The following ACTN2 variants were observed in gnomAD, a reference collection of about 807,000 sequenced individuals.
The protein encoded by ACTN2 is alpha-actinin-2.
ACTN2 carries 39 observed loss-of-function variants against 113.8 expected under a neutral mutation model. The observed-to-expected ratio is 0.34, with a 90% CI of 0.27 to 0.45. ACTN2 has a LOEUF of 0.45. ACTN2 is among the 20% of genes least tolerant of loss of function. The pLI is 1.00. For synonymous variants in ACTN2, 429 were observed against 444.1 expected (o/e 0.97, Z 0.43); for missense variants, 992 against 1,177.9 (o/e 0.84, Z 2.31).
chr1:236,718,923 A>C lies in ACTN2; in HGVS notation c.271A>C (p.Lys91Gln). 6.2e-7 allele frequency: 1 copy of C among 1,614,246 alleles called. No homozygotes were observed. Among genetic ancestry groups the C allele is most frequent in the Non-Finnish European group, 8.5e-7 (1 of 1,180,028 alleles). ...AAGGCTGCCCAAACCTGACCGGGGA[A>C]AAATGCGGTTCCACAAAATTGCTAA... ...GERLPKPDRG[K>Q]MRFHKIANVN... Residue 91 changes from lysine (K) to glutamine (Q), a missense_variant, in exon 3 of 21, where the codon AAA (lysine) becomes CAA (glutamine). By Grantham distance (53) the Lys-to-Gln change is moderately conservative. Around this residue, in one of 3 missense-constraint regions of ACTN2, gnomAD observed 220 missense variants for 337.5 expected, o/e 0.65. Coordinates refer to ENST00000366578, the MANE Select transcript of ACTN2 (RefSeq NM_001103.4).
At chr1:236,736,881 C>T (rs1014868276) in intron 8 of ACTN2, 28 of 604,830 alleles carry the variant, frequency 4.6e-5, no homozygotes, top group African/African-American at 3.5e-4. Context: ...GCTCTCTCCC[C>T]GTTATTCCCT....
At chr1:236,724,041 A>G (rs1293790077) in intron 4 of ACTN2, among the ~76,000 whole-genome samples, 1 of 152,214 alleles carries the variant, frequency 6.6e-6, no homozygotes, top group Non-Finnish European at 1.5e-5. Context: ...ATGCCATAGC[A>G]TGGATGGCTT....
chr1:236,720,018 G>C (rs1218004353), intron 3 of ACTN2, 87 bp from the exon 4 acceptor site: 2 of 884,504 alleles, frequency 2.3e-6, no homozygotes, highest in Non-Finnish European at 3.8e-6. Context: ...TTTTCCAATA[G>C]CTCTGAAGTC....
chr1:236,726,584 T>C (rs192078677), intron 5 of ACTN2, among the ~76,000 whole-genome samples: 12 of 152,290 alleles, frequency 7.9e-5, no homozygotes, highest in African/African-American at 2.9e-4. Context: ...GAGTGGTCAT[T>C]ATGATGTTGA....
chr1:236,762,166 A>C lies in ACTN2; in HGVS notation c.2527-295A>C, dbSNP rs541318538. 2.0e-4 allele frequency among the ~76,000 whole-genome samples: 30 copies of C among 152,298 alleles called. No homozygotes were observed. The South Asian group carries it at 3.7e-3, about 19-fold the overall frequency. On this transcript the variant is annotated intron_variant, in intron 20 of 20. Coordinates refer to ENST00000366578, the MANE Select transcript of ACTN2 (RefSeq NM_001103.4). ...AAAGCTTCATCTTTTCTGGTATGAAATGCAGATCATAGTACGTATCCTCGC... is the reference window on the plus strand; with the variant it reads ...AAAGCTTCATCTTTTCTGGTATGAACTGCAGATCATAGTACGTATCCTCGC...
chr1:236,716,007 T>C (rs1041232465), intron 1 of ACTN2, among the ~76,000 whole-genome samples: 1 of 151,854 alleles, frequency 6.6e-6, no homozygotes, highest in Admixed American at 6.6e-5. Context: ...GTATCTTTTC[T>C]GTTTAGACCT....
Position 236,693,733 on chromosome 1 carries a change from C to T in ACTN2, c.126+6934C>T, listed in dbSNP as rs578252830. ...TGAGGGTGGTGGCCTCCCTTTTTGT[C>T]ACCCTTCCAAGGGTCATGCTCGTCT... On this transcript the variant is annotated intron_variant, in intron 1 of 20. Transcript: ENST00000366578. Among the ~76,000 whole-genome samples the T allele has an allele frequency of 2.0e-5, 3 of 152,246 alleles. No homozygotes were observed. The South Asian group carries it at 6.2e-4, about 32-fold the overall frequency.
intron 1 of ACTN2, among the ~76,000 whole-genome samples, chr1:236,710,297 C>A (rs1657986474): frequency 6.6e-6 from 1 of 152,184 alleles, no homozygotes; most frequent in South Asian, 2.1e-4. Context: ...AAAAAGAAAT[C>A]AAATACAAAT....
intron 1 of ACTN2, among the ~76,000 whole-genome samples, chr1:236,715,512 C>A (rs535881652): frequency 6.6e-6 from 1 of 151,882 alleles, no homozygotes; most frequent in Non-Finnish European, 1.5e-5. Context: ...TTGCACCATC[C>A]AATACTACTA....
chr1:236,715,680 G>C (rs1251973458), intron 1 of ACTN2, among the ~76,000 whole-genome samples: 2 of 152,188 alleles, frequency 1.3e-5, no homozygotes, highest in Non-Finnish European at 2.9e-5. Flanking sequence ...TTAAGACCGA[G>C]TGTGGTGGCT....
At chr1:236,753,252 A>C (rs1659455268) in intron 15 of ACTN2, among the ~76,000 whole-genome samples, 1 of 152,236 alleles carries the variant, frequency 6.6e-6, no homozygotes, top group African/African-American at 2.4e-5. Flanking sequence ...AATATTACCA[A>C]GGAAACAAAT....
intron 6 of ACTN2, among the ~76,000 whole-genome samples, chr1:236,728,004 C>T (rs1475458818): frequency 6.6e-6 from 1 of 152,130 alleles, no homozygotes; most frequent in Non-Finnish European, 1.5e-5. Context: ...TTGCCCATAT[C>T]AAGATATGTT....
Position 236,740,136 on chromosome 1 carries a change from C to T in ACTN2, c.1107+604C>T, listed in dbSNP as rs183254482. Among the ~76,000 whole-genome samples the T allele has an allele frequency of 5.9e-4, 90 of 151,712 alleles. No homozygotes were observed. The East Asian group carries it at 0.011, about 19-fold the overall frequency. ...CTCACTCACTTTTTTTTTTTGGAGA[C>T]GGAGTCTCACTCTGTCACCCAGGCT... On this transcript the variant is annotated intron_variant, in intron 10 of 20. Transcript: ENST00000366578.
At position 236,751,483 on chromosome 1, in the gene ACTN2, C is replaced by T. The variant is rs1389785784; in HGVS notation, c.1670C>T (p.Ala557Val). 6 of 1,613,952 alleles carry T rather than the reference C, an allele frequency of 3.7e-6. No individual in the cohort carries two copies. Among genetic ancestry groups the T allele is most frequent in the African/African-American group, 1.3e-5 (1 of 74,902 alleles). ...SIEEIQSLIT[A>V]HEQFKATLPE... ...TCTCGGGTGTAGAGTCTGATCACTG[C>T]GCATGAGCAGTTCAAGGCCACGCTG... The change falls in exon 15 of 21, where the codon GCG (alanine) becomes GTG (valine). Residue 557 changes from alanine (A) to valine (V), a missense_variant. By Grantham distance (64) the Ala-to-Val change is moderately conservative. Coordinates refer to ENST00000366578, the MANE Select transcript of ACTN2 (RefSeq NM_001103.4).
At chr1:236,717,793 G>T in intron 1 of ACTN2, 65 bp from the exon 2 acceptor site, 2 of 1,130,936 alleles carry the variant, frequency 1.8e-6, no homozygotes, top group South Asian at 1.3e-5. Flanking sequence ...GTCAAGTGTC[G>T]TCTGTGAGGA....
chr1:236,689,533 C>CT (rs1427203107), intron 1 of ACTN2, among the ~76,000 whole-genome samples: 1 of 151,450 alleles, frequency 6.6e-6, no homozygotes, highest in East Asian at 1.9e-4. Context: ...ATTTTAAAAA[C>CT]TTTTTTTGTA....
intron 1 of ACTN2, among the ~76,000 whole-genome samples, chr1:236,692,054 G>A (rs1192703904): frequency 6.6e-6 from 1 of 152,240 alleles, no homozygotes; most frequent in Non-Finnish European, 1.5e-5. Context: ...AACTAGTATT[G>A]TTGGTGAGAT....
chr1:236,759,894 G>A, intron 19 of ACTN2, 105 bp downstream of exon 19: 1 of 1,056,240 alleles, frequency 9.5e-7, no homozygotes, highest in Non-Finnish European at 1.5e-6. Context: ...TTTGGGATTG[G>A]TTCGTTTTCA....
intron 12 of ACTN2, among the ~76,000 whole-genome samples, chr1:236,745,829 TTAAA>T (rs1394930225): frequency 1.3e-5 from 2 of 152,148 alleles, no homozygotes; most frequent in African/African-American, 4.8e-5. Flanking sequence ...ACTTCAAAAA[TTAAA>T]TAATAAAAAT....
Sources: allele counts gnomAD v4.1 joint callset (sites outside exome capture counted in the v4.1 genomes callset), GRCh38; gene constraint gnomAD v4.1.1; regional missense constraint gnomAD v4.1.1; transcripts MANE v1.5; gene names NCBI Gene and HGNC (gene_info 2026-07-23, HGNC 2026-07-21).